The following NUBPL variants were observed in gnomAD, a reference collection of about 807,000 sequenced individuals.
The protein encoded by NUBPL is iron-sulfur cluster transfer protein NUBPL.
NUBPL carries 31 observed loss-of-function variants against 45.7 expected under a neutral mutation model. The observed-to-expected ratio is 0.68, with a 90% CI of 0.51 to 0.92. The LOEUF is 0.92. NUBPL is among the 40% of genes least tolerant of loss of function. The pLI is 0.00. For missense variants in NUBPL, 401 were observed against 398.7 expected (o/e 1.01, Z -0.05); for synonymous variants, 144 against 140.9 (o/e 1.02, Z -0.15).
chr14:31,624,876 T>C (rs2035163541), intron 4 of NUBPL, among the ~76,000 whole-genome samples: 1 of 152,176 alleles, frequency 6.6e-6, no homozygotes. Context: ...ACTGAAGACA[T>C]TATTGATTGT....
chr14:31,575,651 TG>T (rs2033697808), intron 3 of NUBPL, among the ~76,000 whole-genome samples: 1 of 152,250 alleles, frequency 6.6e-6, no homozygotes, highest in African/African-American at 2.4e-5. Context: ...TTTATAAGGT[TG>T]GAGGCTCATC....
intron 6 of NUBPL, among the ~76,000 whole-genome samples, chr14:31,674,018 G>T (rs1322699652): frequency 6.6e-6 from 1 of 152,090 alleles, no homozygotes; most frequent in Non-Finnish European, 1.5e-5. Context: ...ATTTTGTTTT[G>T]AGTATATATG....
intron 7 of NUBPL, among the ~76,000 whole-genome samples, chr14:31,818,300 A>G (rs1414426787): frequency 6.6e-6 from 1 of 152,164 alleles, no homozygotes; most frequent in Non-Finnish European, 1.5e-5. Flanking sequence ...GCCTGGACCA[A>G]GCGGATATAA....
At chr14:31,857,927 T>C (rs1050574234) in intron 10 of NUBPL, among the ~76,000 whole-genome samples, 1 of 152,198 alleles carries the variant, frequency 6.6e-6, no homozygotes, top group African/African-American at 2.4e-5. Context: ...TTCCACATTT[T>C]CGGGTATCTT....
intron 6 of NUBPL, among the ~76,000 whole-genome samples, chr14:31,776,493 C>T (rs1433538750): frequency 6.6e-6 from 1 of 152,178 alleles, no homozygotes; most frequent in East Asian, 1.9e-4. Context: ...AATCTGTCTT[C>T]CCAAGCTGAC....
At chr14:31,706,467 A>G (rs1034673776) in intron 6 of NUBPL, among the ~76,000 whole-genome samples, 12 of 152,244 alleles carry the variant, frequency 7.9e-5, no homozygotes, top group African/African-American at 4.8e-5. Flanking sequence ...GATGGCTGCC[A>G]TGGGACCTAG....
chr14:31,598,136 T>A (rs910085701), intron 3 of NUBPL, among the ~76,000 whole-genome samples: 2 of 152,192 alleles, frequency 1.3e-5, no homozygotes, highest in Non-Finnish European at 1.5e-5. Context: ...ATCCCGTTTT[T>A]TCCTCTGAGG....
chr14:31,839,222 C>A (rs958010575), intron 8 of NUBPL, among the ~76,000 whole-genome samples: 1 of 152,038 alleles, frequency 6.6e-6, no homozygotes, highest in Non-Finnish European at 1.5e-5. Context: ...CATAAAAGGG[C>A]ACAAATTATA....
At chr14:31,729,995 T>C (rs551210013) in intron 6 of NUBPL, among the ~76,000 whole-genome samples, 1 of 152,204 alleles carries the variant, frequency 6.6e-6, no homozygotes, top group Non-Finnish European at 1.5e-5. Context: ...TTCTAGTAGA[T>C]CCTTTTTATT....
Position 31,688,343 on chromosome 14 carries a change from C to T in NUBPL, c.513+14769C>T, listed in dbSNP as rs573071217. 1.1e-4 allele frequency among the ~76,000 whole-genome samples: 16 copies of T among 151,896 alleles called. No individual in the cohort carries two copies. The South Asian group carries it at 2.5e-3, about 24-fold the overall frequency. On this transcript the variant is annotated intron_variant, in intron 6 of 10. Coordinates refer to ENST00000281081, the MANE Select transcript of NUBPL (RefSeq NM_025152.3). ...CTGTAATCCCAGCACTTTGGCAGGCCGAAGTGGGCAGATCATGAAGTCAGG... is the reference window on the plus strand; with the variant it reads ...CTGTAATCCCAGCACTTTGGCAGGCTGAAGTGGGCAGATCATGAAGTCAGG...
intron 4 of NUBPL, chr14:31,654,143 C>A (rs1003267970): frequency 6.6e-6 from 3 of 452,880 alleles, no homozygotes; most frequent in Non-Finnish European, 1.3e-5. Flanking sequence ...AAGTAAGCAA[C>A]ATGAATTTTT....
intron 4 of NUBPL, among the ~76,000 whole-genome samples, chr14:31,666,263 A>ATATATATATATATTATTT: frequency 8.9e-6 from 1 of 111,888 alleles, no homozygotes; most frequent in African/African-American, 3.1e-5. Flanking sequence ...ATATATATAT[A>ATATATATATATATTATTT]ATTTTATTTT....
chr14:31,624,545 G>A (rs942701445), intron 4 of NUBPL, among the ~76,000 whole-genome samples: 4 of 152,052 alleles, frequency 2.6e-5, no homozygotes, highest in African/African-American at 9.7e-5. Context: ...AAGACATTTA[G>A]CAATGACTAA....
chr14:31,664,182 A>T (rs2036346530), intron 4 of NUBPL, among the ~76,000 whole-genome samples: 1 of 152,210 alleles, frequency 6.6e-6, no homozygotes, highest in South Asian at 2.1e-4. Context: ...TGTCATCTGC[A>T]GAGACAATTT....
intron 6 of NUBPL, among the ~76,000 whole-genome samples, chr14:31,717,779 TA>T (rs61520304): frequency 1.0e-4 from 15 of 148,552 alleles, no homozygotes; most frequent in African/African-American, 2.7e-4. Flanking sequence ...GGTGTTTGTT[TA>T]AAAAAAAAAA....
At position 31,850,335 on chromosome 14, in the gene NUBPL, A is replaced by G. The variant is rs17098228; in HGVS notation, c.897+134A>G. The G allele has an allele frequency of 2.4e-3, 1,768 of 734,602 alleles. 15 individuals carry two copies. The African/African-American group carries it at 0.027, about 11-fold the overall frequency. 45.5% of individuals were successfully genotyped at this position (734,602 alleles called of 1,614,324 possible). On this transcript the variant is annotated intron_variant, in intron 10 of 10. Coordinates refer to ENST00000281081, the MANE Select transcript of NUBPL (RefSeq NM_025152.3). Reference sequence around the variant, plus strand: ...AAACAAGGATTATTTAACTTGTCCAAAGCATCTTTAAGTTACTGTCATGTA... The same window carrying G: ...AAACAAGGATTATTTAACTTGTCCAGAGCATCTTTAAGTTACTGTCATGTA...
intron 9 of NUBPL, among the ~76,000 whole-genome samples, chr14:31,848,305 A>G (rs539413882): frequency 4.6e-5 from 7 of 152,300 alleles, no homozygotes; most frequent in South Asian, 4.1e-4. Flanking sequence ...CAGGGCTTCA[A>G]TTATGAAGAG....
Position 31,765,634 on chromosome 14 carries a change from GTT to G in NUBPL, c.514-22134_514-22133del, listed in dbSNP as rs55773928. ...AATACTTAATTCATAAAAGCAACAG[GTT>G]TTTTTTTTTTTGCCTTAAAACATCT... On this transcript the variant is annotated intron_variant, in intron 6 of 10. Coordinates refer to ENST00000281081, the MANE Select transcript of NUBPL (RefSeq NM_025152.3). Among the ~76,000 whole-genome samples the G allele has an allele frequency of 3.9e-3, 581 of 149,240 alleles. 2 individuals carry two copies. Among genetic ancestry groups the G allele is most frequent in the African/African-American group, 9.3e-3 (379 of 40,606 alleles).
At chr14:31,671,230 G>C (rs995520518) in intron 4 of NUBPL, among the ~76,000 whole-genome samples, 15 of 152,060 alleles carry the variant, frequency 9.9e-5, no homozygotes, top group African/African-American at 3.6e-4. Flanking sequence ...TGGATGAATA[G>C]TATTCTATTG....
Sources: gnomAD v4.1 joint callset for allele counts (sites outside exome capture counted in the v4.1 genomes callset) on GRCh38, gnomAD v4.1.1 for gene constraint, MANE v1.5 for transcripts, NCBI Gene and HGNC (gene_info 2026-07-23, HGNC 2026-07-21) for gene names.